The following RAPGEF1 variants were observed in gnomAD, a reference collection of about 807,000 sequenced individuals.
RAPGEF1 encodes CRK SH3-binding GNRP.
In RAPGEF1, 33 loss-of-function variants were observed where a neutral mutation model predicts 143.3. The observed-to-expected ratio is 0.23, with a 90% CI of 0.17 to 0.31. The LOEUF (loss-of-function observed/expected upper bound fraction) is 0.31, where lower values mean the gene tolerates loss of function less well. Ranked by LOEUF, RAPGEF1 falls within the 10% of genes least tolerant of loss-of-function variation. The pLI is 1.00. For missense variants in RAPGEF1, 1,199 were observed against 1,645.4 expected, an observed-to-expected ratio of 0.73 and a Z score of 4.69; for synonymous variants, 629 against 676.5, an observed-to-expected ratio of 0.93 and a Z score of 1.09.
At chr9:131,702,956 T>C (rs1834770826) in intron 1 of RAPGEF1, among the ~76,000 whole-genome samples, 1 of 152,206 alleles carries the variant, frequency 6.6e-6, no homozygotes, top group Non-Finnish European at 1.5e-5. Context: ...ATATGCATCG[T>C]GCAGCCGCTC....
At chr9:131,625,787 C>G in intron 10 of RAPGEF1, 135 bp downstream of exon 10, 1 of 1,218,020 alleles carries the variant, frequency 8.2e-7, no homozygotes, top group Admixed American at 2.7e-5. Flanking sequence ...CCAGAAGTGT[C>G]CACATACCTG....
intron 1 of RAPGEF1, among the ~76,000 whole-genome samples, chr9:131,669,734 T>A (rs1327090555): frequency 6.6e-6 from 1 of 152,244 alleles, no homozygotes; most frequent in Non-Finnish European, 1.5e-5. Context: ...TCAGAGTTAC[T>A]GGCCTAACCC....
intron 1 of RAPGEF1, chr9:131,710,061 G>T (rs182479804): frequency 7.2e-6 from 4 of 556,356 alleles, no homozygotes; most frequent in Non-Finnish European, 6.8e-6. Flanking sequence ...ACTTTTCTCC[G>T]CAGGAGAAAT....
chr9:131,624,950 C>T (rs933285377), intron 10 of RAPGEF1, among the ~76,000 whole-genome samples: 64 of 152,370 alleles, frequency 4.2e-4, no homozygotes, highest in Non-Finnish European at 4.9e-4. Flanking sequence ...GTGGACCACG[C>T]AGCCAGCCCT....
chr9:131,619,706 G>T (rs931631124), intron 11 of RAPGEF1, among the ~76,000 whole-genome samples: 3 of 152,230 alleles, frequency 2.0e-5, no homozygotes, highest in African/African-American at 7.2e-5. Flanking sequence ...CTCCTGTACA[G>T]GGCTGTTGGG....
chr9:131,600,247 C>CA (rs1228601911), intron 15 of RAPGEF1, among the ~76,000 whole-genome samples: 6 of 152,174 alleles, frequency 3.9e-5, no homozygotes, highest in Non-Finnish European at 8.8e-5. Flanking sequence ...GATGGAGGGA[C>CA]AACATCCCAT....
intron 1 of RAPGEF1, among the ~76,000 whole-genome samples, chr9:131,723,271 A>C (rs1836401506): frequency 6.6e-6 from 1 of 152,206 alleles, no homozygotes; most frequent in Admixed American, 6.5e-5. Flanking sequence ...CATTGAAAAA[A>C]CTGTGGTAAA....
intron 22 of RAPGEF1, among the ~76,000 whole-genome samples, chr9:131,586,380 G>A (rs1399613141): frequency 1.3e-5 from 1 of 76,852 alleles, no homozygotes; most frequent in African/African-American, 5.7e-5. Context: ...ACACCCACCT[G>A]CAGAGCGAGA....
chr9:131,646,546 G>T (rs566045093), intron 3 of RAPGEF1, among the ~76,000 whole-genome samples: 1 of 152,304 alleles, frequency 6.6e-6, no homozygotes, highest in African/African-American at 2.4e-5. Context: ...TGGCGGGGAA[G>T]AGGGTGAGGA....
intron 1 of RAPGEF1, among the ~76,000 whole-genome samples, chr9:131,668,159 T>G (rs989915604): frequency 3.3e-5 from 5 of 152,122 alleles, no homozygotes; most frequent in Non-Finnish European, 7.4e-5. Context: ...AGGGAGCCCC[T>G]CCCTTACCTG....
chr9:131,665,537 A>G (rs970042170), intron 1 of RAPGEF1, among the ~76,000 whole-genome samples: 35 of 151,966 alleles, frequency 2.3e-4, no homozygotes, highest in African/African-American at 7.7e-4. Context: ...AGTAGTCCTT[A>G]TAAGAGCTAA....
chr9:131,663,492 A>T, intron 1 of RAPGEF1, among the ~76,000 whole-genome samples: 1 of 146,484 alleles, frequency 6.8e-6, no homozygotes. Context: ...CCAATTAAGG[A>T]GCATACATTG....
chr9:131,632,600 A>G (rs1965231072), intron 5 of RAPGEF1, among the ~76,000 whole-genome samples: 1 of 152,224 alleles, frequency 6.6e-6, no homozygotes, highest in Non-Finnish European at 1.5e-5. Context: ...ATATGTATCA[A>G]TTACATAAGT....
At chr9:131,714,687 G>C (rs1420485048) in intron 1 of RAPGEF1, among the ~76,000 whole-genome samples, 1 of 149,618 alleles carries the variant, frequency 6.7e-6, no homozygotes, top group Admixed American at 6.7e-5. Context: ...CTGTCTTCTG[G>C]GGTCCTCTAG....
chr9:131,600,774 G>T (rs1008763232), intron 15 of RAPGEF1, among the ~76,000 whole-genome samples: 7 of 152,120 alleles, frequency 4.6e-5, no homozygotes, highest in African/African-American at 1.7e-4. Flanking sequence ...GTGCCCATTT[G>T]CAGATCCTAC....
intron 1 of RAPGEF1, among the ~76,000 whole-genome samples, chr9:131,694,570 C>T (rs13300022): frequency 0.23 from 34,939 of 152,090 alleles, 4,610 homozygotes; most frequent in Non-Finnish European, 0.3. Flanking sequence ...ACACTAGATT[C>T]GTGCTGTTCC....
At chr9:131,612,757 A>G (rs1958231868) in intron 12 of RAPGEF1, among the ~76,000 whole-genome samples, 1 of 152,214 alleles carries the variant, frequency 6.6e-6, no homozygotes, top group Admixed American at 6.5e-5. Flanking sequence ...TCTTTTAGGA[A>G]GAGTGGAAAA....
chr9:131,681,372 G>GAA (rs1470915667), intron 1 of RAPGEF1, among the ~76,000 whole-genome samples: 1 of 152,150 alleles, frequency 6.6e-6, no homozygotes, highest in Non-Finnish European at 1.5e-5. Flanking sequence ...TGATTTAGAG[G>GAA]CTTGGCAGTT....
At chr9:131,666,500 C>T (rs940961507) in intron 1 of RAPGEF1, among the ~76,000 whole-genome samples, 1 of 152,024 alleles carries the variant, frequency 6.6e-6, no homozygotes, top group Non-Finnish European at 1.5e-5. Context: ...GATTCTTCTG[C>T]CTTAGCCTCC....
Sources: allele counts gnomAD v4.1 joint callset (sites outside exome capture counted in the v4.1 genomes callset), GRCh38; gene constraint gnomAD v4.1.1; transcripts MANE v1.5; gene names NCBI Gene and HGNC (gene_info 2026-07-23, HGNC 2026-07-21).